The following NPHP3 variants were observed in gnomAD, a reference collection of about 807,000 sequenced individuals.
NPHP3 encodes nephrocystin-3.
In NPHP3, 123 loss-of-function variants were observed where a neutral mutation model predicts 171.9. That is an observed-to-expected ratio of 0.72 (90% CI 0.62 to 0.83). NPHP3 has a LOEUF of 0.83. Ranked by LOEUF, NPHP3 falls within the 40% of genes least tolerant of loss-of-function variation. NPHP3 has a pLI of 0.00. For synonymous variants in NPHP3, 558 were observed against 579.2 expected (o/e 0.96, Z 0.52); for missense variants, 1,506 against 1,591.9 (o/e 0.95, Z 0.92).
intron 10 of NPHP3, 105 bp from the exon 11 acceptor site, chr3:132,700,553 A>C (rs1037195216): frequency 1.6e-6 from 1 of 634,880 alleles, no homozygotes; most frequent in Non-Finnish European, 2.7e-6. Context: ...CTAACTGAGC[A>C]ATCAGGTGGT....
chr3:132,699,837 CAT>C (rs1939559071), intron 12 of NPHP3, 79 bp downstream of exon 12: 2 of 1,441,024 alleles, frequency 1.4e-6, no homozygotes, highest in Non-Finnish European at 1.9e-6. Flanking sequence ...TTCTCACAAA[CAT>C]ATAAATGCCT....
In NPHP3 at chr3:132,682,290, T is replaced by C. The variant is rs1939051471; in HGVS notation, c.3813-200A>G. ...CCAGTATCAGTATTTTTGTGTCTCA[T>C]ATGGATATCATTAAAACCATGTTGT... On this transcript the variant is annotated intron_variant, in intron 26 of 26. Transcript: ENST00000337331. 4 of 605,014 alleles carry C rather than the reference T, an allele frequency of 6.6e-6. No individual in the cohort carries two copies. The South Asian group carries it at 8.0e-5, about 12-fold the overall frequency. The allele number at this position is 605,014 out of a possible 1,614,324, so 37.5% of individuals were successfully genotyped here.
rs563403703 is a variant in NPHP3 at position 132,696,733 on chromosome 3, C to T, written c.2169G>A (p.Ala723=). Residue 723 remains alanine (A), a splice_region_variant and synonymous_variant, in exon 15 of 27, where the codon GCG becomes GCA. Coordinates refer to ENST00000337331, the MANE Select transcript of NPHP3 (RefSeq NM_153240.5). The part of the protein sequence containing the change: ...LYVTLFGKMI[A]RAGRAGNLDK... ...CATGTAAAATAATCACCACTCACCGCGCGATCATTTTGCCGAAAAGGGTGA... is the reference window on the plus strand; with the variant it reads ...CATGTAAAATAATCACCACTCACCGTGCGATCATTTTGCCGAAAAGGGTGA... 52 of 1,613,618 alleles carry T rather than the reference C, an allele frequency of 3.2e-5. No homozygotes were observed. The highest frequency in any genetic ancestry group is 2.2e-4 in the Admixed American group (13 of 60,024).
chr3:132,697,352 T>C lies in NPHP3; in HGVS notation c.1996A>G (p.Thr666Ala). The change falls in exon 14 of 27, where the codon ACA (threonine) becomes GCA (alanine). Residue 666 changes from threonine (T) to alanine (A), a missense_variant. Physicochemically the swap from Thr to Ala is moderately conservative, Grantham distance 58 (BLOSUM62 0). Coordinates refer to ENST00000337331, the MANE Select transcript of NPHP3 (RefSeq NM_153240.5). ...GGACTTAAGGGATCAAGATGAAGTG[T>C]AGGCCACAACCTTTTATGTAAAGAA... ...TCPPAWRLWP[T>A]LHLDPLSPKD... The C allele has an allele frequency of 1.2e-6, 2 of 1,607,516 alleles. No homozygotes were observed. Among genetic ancestry groups the C allele is most frequent in the Admixed American group, 1.7e-5 (1 of 60,016 alleles).
At chr3:132,683,626 A>AG in intron 24 of NPHP3, 102 bp from the exon 25 acceptor site, 1 of 916,798 alleles carries the variant, frequency 1.1e-6, no homozygotes, top group East Asian at 2.6e-5. Context: ...GGTAATTTTG[A>AG]GGGAAAAAAA....
chr3:132,706,086 G>A (rs967121373), intron 7 of NPHP3, among the ~76,000 whole-genome samples: 1 of 152,038 alleles, frequency 6.6e-6, no homozygotes, highest in Non-Finnish European at 1.5e-5. Flanking sequence ...TAGGCCAGGC[G>A]CGGTGGCTCA....
intron 16 of NPHP3, among the ~76,000 whole-genome samples, chr3:132,694,299 AAG>A (rs1375477818): frequency 6.6e-6 from 1 of 151,916 alleles, no homozygotes; most frequent in Non-Finnish European, 1.5e-5. Flanking sequence ...AGATATCAAC[AAG>A]AGTTAAGGAC....
rs765722959 is a variant in NPHP3 at position 132,699,447 on chromosome 3, C to T, written c.1891G>A (p.Val631Ile). The change falls in exon 13 of 27, where the codon GTT becomes ATT. Residue 631 changes from valine to isoleucine, a missense_variant. Physicochemically the swap from Val to Ile is conservative, Grantham distance 29. This residue lies in a region of NPHP3 where 930 missense variants were observed against 924.9 expected (regional missense o/e 1.01). Coordinates refer to ENST00000337331, the MANE Select transcript of NPHP3 (RefSeq NM_153240.5). ...ATCAGCCATTTCATGTGTTTTTCAACTTGCTTAAAAATATAAAAACAAAAT... is the reference window on the plus strand; with the variant it reads ...ATCAGCCATTTCATGTGTTTTTCAATTTGCTTAAAAATATAAAAACAAAAT... ...VIDSIDQVQQ[V>I]EKHMKWLIDP... 5.4e-5 allele frequency: 87 copies of T among 1,604,980 alleles called. No individual in the cohort carries two copies. In the Middle Eastern group the frequency reaches 1.8e-3, roughly 33 times the overall value.
intron 22 of NPHP3, 110 bp from the exon 23 acceptor site, chr3:132,686,497 G>C (rs1023938468): frequency 1.6e-6 from 2 of 1,226,522 alleles, no homozygotes; most frequent in Non-Finnish European, 2.4e-6. Context: ...ATTTAATCTA[G>C]ATAACTATTA....
At chr3:132,702,940 G>C (rs1939653588) in intron 9 of NPHP3, among the ~76,000 whole-genome samples, 1 of 152,150 alleles carries the variant, frequency 6.6e-6, no homozygotes, top group Non-Finnish European at 1.5e-5. Flanking sequence ...CATAGGATCT[G>C]GAGCCAGAAA....
intron 22 of NPHP3, 58 bp from the exon 23 acceptor site, chr3:132,686,445 G>C: frequency 6.2e-7 from 1 of 1,607,566 alleles, no homozygotes; most frequent in Non-Finnish European, 8.5e-7. Context: ...CCTTGATTCT[G>C]AAACAATATA....
At chr3:132,692,879 T>A in intron 16 of NPHP3, 61 bp from the exon 17 acceptor site, 1 of 1,374,342 alleles carries the variant, frequency 7.3e-7, no homozygotes, top group Non-Finnish European at 1.0e-6. Context: ...CTAACGGCCA[T>A]TAAAAGTTCC....
intron 1 of NPHP3, 29 bp downstream of exon 1, chr3:132,721,934 C>G (rs894831406): frequency 1.2e-5 from 19 of 1,609,084 alleles, no homozygotes; most frequent in Non-Finnish European, 1.5e-5. Context: ...CCAAGGGTCT[C>G]CCGGCGTCGC....
chr3:132,719,622 C>T (rs1334138506), intron 2 of NPHP3, 83 bp downstream of exon 2: 1 of 893,228 alleles, frequency 1.1e-6, no homozygotes, highest in Non-Finnish European at 1.5e-6. Context: ...TCTATTTATT[C>T]ATCGCATTAT....
At chr3:132,714,872 AAAATAAAT>A (rs1287140365) in intron 5 of NPHP3, among the ~76,000 whole-genome samples, 1 of 152,218 alleles carries the variant, frequency 6.6e-6, no homozygotes, top group Non-Finnish European at 1.5e-5. Context: ...CCAGAAAGTA[AAAATAAAT>A]AAATAAACTC....
rs1939961969 is a variant in NPHP3 at position 132,713,262 on chromosome 3, T to C, written c.982A>G (p.Met328Val). The change falls in exon 6 of 27, where the codon ATG becomes GTG. Residue 328 changes from methionine (M) to valine (V), a missense_variant. This residue lies in a region of NPHP3 where 930 missense variants were observed against 924.9 expected (regional missense o/e 1.01). Transcript: ENST00000337331. ...LKDYSPKLKR[M>V]CETMGYFFHA... is the part of the protein sequence containing the mutation. ...AAAAAATATCCCATTGTCTCGCACA[T>C]TCTCTTAAGTTTAGGTGAATAGTCC... is the stretch of plus-strand genomic sequence containing the variant. 2.5e-6 allele frequency: 4 copies of C among 1,602,780 alleles called. No homozygotes were observed. Among genetic ancestry groups the C allele is most frequent in the Non-Finnish European group, 8.5e-7 (1 of 1,174,456 alleles).
chr3:132,698,171 C>T (rs563290848), intron 13 of NPHP3, among the ~76,000 whole-genome samples: 63 of 152,058 alleles, frequency 4.1e-4, no homozygotes, highest in Non-Finnish European at 7.8e-4. Flanking sequence ...CTAGTAGAGG[C>T]GGGGTTTCAC....
intron 7 of NPHP3, 77 bp downstream of exon 7, chr3:132,708,024 T>G (rs1233670012): frequency 2.1e-6 from 3 of 1,414,778 alleles, no homozygotes; most frequent in Non-Finnish European, 3.0e-6. Context: ...TATGCCAGGC[T>G]TATGCCCACC....
intron 21 of NPHP3, 79 bp from the exon 22 acceptor site, chr3:132,687,305 ATAGTG>A: frequency 1.4e-6 from 1 of 703,698 alleles, no homozygotes; most frequent in Non-Finnish European, 2.5e-6. Context: ...CACTCTTTTC[ATAGTG>A]TAAAGTCTTT....
Sources: allele counts gnomAD v4.1 joint callset (sites outside exome capture counted in the v4.1 genomes callset), GRCh38; gene constraint gnomAD v4.1.1; regional missense constraint gnomAD v4.1.1; transcripts MANE v1.5; gene names NCBI Gene and HGNC (gene_info 2026-07-23, HGNC 2026-07-21).